USP49: variants seen among roughly 807,000 people sequenced by gnomAD.
USP49 encodes the protein ubiquitin carboxyl-terminal hydrolase 49.
USP49 carries 24 observed loss-of-function variants against 58.6 expected under a neutral mutation model. The observed-to-expected ratio is 0.41, with a 90% CI of 0.30 to 0.58. The LOEUF (loss-of-function observed/expected upper bound fraction) is 0.58. USP49 is among the 20% of genes least tolerant of loss of function. USP49 has a pLI of 0.30. For synonymous variants in USP49, 408 were observed against 365.1 expected (o/e 1.12, Z -1.34); for missense variants, 703 against 866.1 (o/e 0.81, Z 2.36).
chr6:41,857,161 C>T (rs1306607354), intron 3 of USP49, among the ~76,000 whole-genome samples: 1 of 152,216 alleles, frequency 6.6e-6, no homozygotes, highest in Non-Finnish European at 1.5e-5. Flanking sequence ...CTATCAACAT[C>T]TGCCTTCTTC....
At chr6:41,849,373 C>T (rs1009953764) in intron 3 of USP49, among the ~76,000 whole-genome samples, 2 of 152,076 alleles carry the variant, frequency 1.3e-5, no homozygotes, top group Admixed American at 6.6e-5. Context: ...ACTCCACTTT[C>T]AATAATGGAC....
At position 41,803,596 on chromosome 6, in the gene USP49, G is replaced by A. The variant is rs1050893005; in HGVS notation, c.1561+210C>T. ...TGGGATTACAGGCGTGAGCCACAAC[G>A]CCCAGCCTTGTTTTGTTTTTTAATA... On this transcript the variant is annotated intron_variant, in intron 5 of 7. Transcript: ENST00000682992. The surrounding 1 kb of genome is among the most constrained non-coding windows in gnomAD (Gnocchi z 4.1). Among the ~76,000 whole-genome samples the A allele has an allele frequency of 4.6e-5, 7 of 152,188 alleles. No homozygotes were observed. The highest frequency in any genetic ancestry group is 7.3e-5 in the Non-Finnish European group (5 of 68,046).
At chr6:41,812,443 C>T (rs1773274805) in intron 3 of USP49, among the ~76,000 whole-genome samples, 1 of 150,704 alleles carries the variant, frequency 6.6e-6, no homozygotes, top group Non-Finnish European at 1.5e-5. Flanking sequence ...CCTGCAATCG[C>T]AGCACTTTGG....
At chr6:41,857,874 A>G (rs1774157631) in intron 3 of USP49, among the ~76,000 whole-genome samples, 1 of 152,250 alleles carries the variant, frequency 6.6e-6, no homozygotes, top group Non-Finnish European at 1.5e-5. Context: ...CAATGGATGG[A>G]TGAATCTCCT....
chr6:41,840,386 A>G (rs1187909384), intron 3 of USP49, among the ~76,000 whole-genome samples: 2 of 151,158 alleles, frequency 1.3e-5, no homozygotes, highest in Non-Finnish European at 2.9e-5. Flanking sequence ...AAAAAAAAAA[A>G]AAAGAAAATT....
chr6:41,805,677 T>A lies in USP49; in HGVS notation c.1307A>T (p.Gln436Leu). 2 of 1,614,104 alleles carry A rather than the reference T, an allele frequency of 1.2e-6. No individual in the cohort carries two copies. Among genetic ancestry groups the A allele is most frequent in the Non-Finnish European group, 1.7e-6 (2 of 1,179,994 alleles). Residue 436 changes from glutamine to leucine, a missense_variant, in exon 4 of 8, where the codon CAG (glutamine) becomes CTG (leucine). Physicochemically the swap from Gln to Leu is moderately radical, Grantham distance 113. Transcript: ENST00000682992. ...TATGGTATTCACCACCTTTAAGACC[T>A]GTTTGGTGAGCTTCCTCTGGGAGAA... ...IPFSQRKLTK[Q>L]VLKVVNTIFH...
intron 3 of USP49, among the ~76,000 whole-genome samples, chr6:41,866,508 G>A (rs1365577800): frequency 6.6e-6 from 1 of 152,164 alleles, no homozygotes; most frequent in Non-Finnish European, 1.5e-5. Context: ...CCTGTCCAAA[G>A]TTGGGAGCAA....
intron 3 of USP49, among the ~76,000 whole-genome samples, chr6:41,810,931 C>T (rs1191133839): frequency 6.6e-6 from 1 of 152,156 alleles, no homozygotes; most frequent in Non-Finnish European, 1.5e-5. Context: ...TGAGCAAATG[C>T]AGTTTCATGA....
Position 41,805,877 on chromosome 6 carries a change from C to T in USP49, c.1107G>A (p.Trp369Ter), listed in dbSNP as rs1163651551. The T allele has an allele frequency of 6.2e-7, 1 of 1,614,008 alleles. No individual in the cohort carries two copies. Residue 369 changes from tryptophan (W) to a stop codon, truncating the protein, a stop_gained, in exon 4 of 8, where the codon TGG becomes TGA. Coordinates refer to ENST00000682992, the MANE Select transcript of USP49 (RefSeq NM_001286554.2). LOFTEE classifies it high-confidence loss of function. ...RELHTLFRVM[W>*]SGKWALVSPF... The stretch of plus-strand genomic sequence containing the variant: ...GCGACACTAGGGCCCACTTCCCGGA[C>T]CACATGACTCGGAAGAGGGTGTGCA...
intron 3 of USP49, among the ~76,000 whole-genome samples, chr6:41,870,325 G>A (rs2127358862): frequency 6.6e-6 from 1 of 152,286 alleles, no homozygotes; most frequent in African/African-American, 2.4e-5. Context: ...GTTAAAAACG[G>A]TCTGGCTCCA....
At chr6:41,799,674 G>A (rs1772958972) in intron 6 of USP49, among the ~76,000 whole-genome samples, 156 bp downstream of exon 6, 1 of 152,190 alleles carries the variant, frequency 6.6e-6, no homozygotes, top group African/African-American at 2.4e-5. Flanking sequence ...ATTTGCCTTA[G>A]TGGATGTGAA....
chr6:41,865,916 CTTTTTTTTTTTTT>C (rs34663718), intron 3 of USP49, among the ~76,000 whole-genome samples: 3 of 65,390 alleles, frequency 4.6e-5, no homozygotes, highest in African/African-American at 1.3e-4. Context: ...AGCATGGTGC[CTTTTTTTTTTTTT>C]TTTTTTTTTT....
At position 41,858,651 on chromosome 6, in the gene USP49, T is replaced by G. The variant is rs565316167; in HGVS notation, c.-29+12913A>C. 2.7e-5 allele frequency among the ~76,000 whole-genome samples: 4 copies of G among 146,592 alleles called. No individual in the cohort carries two copies. In the South Asian group the frequency reaches 6.4e-4, roughly 24 times the overall value. ...CTCATCTCAGAACTGTGCAATTCTGTTTTTTTTTTCTGCCTAGAATGCTCT... is the reference window on the plus strand; with the variant it reads ...CTCATCTCAGAACTGTGCAATTCTGGTTTTTTTTTCTGCCTAGAATGCTCT... On this transcript the variant is annotated intron_variant, in intron 3 of 7. Transcript: ENST00000682992.
intron 3 of USP49, among the ~76,000 whole-genome samples, chr6:41,843,502 T>A (rs1773864988): frequency 6.6e-6 from 1 of 152,142 alleles, no homozygotes; most frequent in South Asian, 2.1e-4. Context: ...ATTTTTCAGC[T>A]GGGTGCAATG....
chr6:41,796,424 C>T lies in USP49; in HGVS notation c.*109G>A, dbSNP rs1397755232. The T allele has an allele frequency of 1.6e-6, 1 of 619,440 alleles. No individual in the cohort carries two copies. The highest frequency in any genetic ancestry group is 4.4e-4 in the Middle Eastern group (1 of 2,298). 38.4% of individuals were successfully genotyped at this position (619,440 alleles called of 1,614,324 possible). A position where few individuals can be genotyped will look rare whatever the true frequency, so the allele number is the denominator to read the frequency against. Reference sequence around the variant, plus strand: ...CACCTGGCACCTTCTACTCTAGACCCAGCAAGGCAAACCTAGTAATCTGTT... The same window carrying T: ...CACCTGGCACCTTCTACTCTAGACCTAGCAAGGCAAACCTAGTAATCTGTT... On this transcript the variant is annotated 3_prime_UTR_variant, in exon 8 of 8. Coordinates refer to ENST00000682992, the MANE Select transcript of USP49 (RefSeq NM_001286554.2).
intron 2 of USP49, among the ~76,000 whole-genome samples, chr6:41,877,539 C>T (rs1006605237): frequency 2.0e-5 from 3 of 150,528 alleles, no homozygotes; most frequent in African/African-American, 7.3e-5. Context: ...TACTGCTGGT[C>T]TAATGAATCA....
At chr6:41,797,281 T>C (rs1772903985) in intron 7 of USP49, among the ~76,000 whole-genome samples, 1 of 152,168 alleles carries the variant, frequency 6.6e-6, no homozygotes, top group African/African-American at 2.4e-5. Flanking sequence ...ATTTTTATCT[T>C]TGTTTTCTTC....
At chr6:41,891,113 T>TTTTAAAGATTGGCAAACAAGA (rs1203094971) in intron 2 of USP49, among the ~76,000 whole-genome samples, 5 of 152,194 alleles carry the variant, frequency 3.3e-5, no homozygotes, top group Non-Finnish European at 7.3e-5. Context: ...CAGGGATAAT[T>TTTTAAAGATTGGCAAACAAGA]TTTAAAGATT....
At chr6:41,848,404 T>C (rs964814457) in intron 3 of USP49, among the ~76,000 whole-genome samples, 1 of 150,658 alleles carries the variant, frequency 6.6e-6, no homozygotes, top group Non-Finnish European at 1.5e-5. Flanking sequence ...TCGCACGCTG[T>C]TACCCAGGCT....
Sources: allele counts gnomAD v4.1 joint callset (sites outside exome capture counted in the v4.1 genomes callset), GRCh38; gene constraint gnomAD v4.1.1; non-coding constraint Gnocchi (gnomAD v3.1); transcripts MANE v1.5; gene names NCBI Gene and HGNC (gene_info 2026-07-23, HGNC 2026-07-21).